PIR: variants seen among roughly 807,000 people sequenced by gnomAD.
The protein encoded by PIR is pirin, also known as pirin (iron-binding nuclear protein).
PIR carries 22 observed loss-of-function variants against 24.2 expected under a neutral mutation model. That is an observed-to-expected ratio of 0.91 (90% confidence interval 0.65 to 1.30). The LOEUF is 1.30. Ranked by LOEUF, PIR falls within the 50% of genes most tolerant of loss-of-function variation. The probability of loss-of-function intolerance (pLI) is 0.00; values close to 1 mark genes in which losing one functional copy is unlikely to be tolerated. For missense variants in PIR, 220 were observed against 220.3 expected, an observed-to-expected ratio of 1.00 and a Z score of 0.01; for synonymous variants, 80 against 79.6, an observed-to-expected ratio of 1.00 and a Z score of -0.03.
At chrX:15,415,177 A>G (rs1303893941) in intron 6 of PIR, among the ~76,000 whole-genome samples, 1 of 111,597 alleles carries the variant, frequency 9.0e-6, no homozygotes, top group Admixed American at 9.5e-5. Context: ...ACTAATTGAT[A>G]TTGAGTAAGT....
chrX:15,490,241 C>T (rs1923081100), intron 2 of PIR, among the ~76,000 whole-genome samples: 1 of 111,467 alleles, frequency 9.0e-6, no homozygotes, highest in Non-Finnish European at 1.9e-5. Flanking sequence ...AAATGTAGAT[C>T]AGCACTCATT....
chrX:15,457,579 T>A (rs1602280902), intron 4 of PIR, among the ~76,000 whole-genome samples: 2 of 111,690 alleles, frequency 1.8e-5, no homozygotes, highest in East Asian at 5.6e-4. Flanking sequence ...CAGGCTGAGA[T>A]CCAAACAAGG....
intron 3 of PIR, among the ~76,000 whole-genome samples, chrX:15,475,656 A>C (rs1922154643): frequency 8.9e-6 from 1 of 112,089 alleles, no homozygotes. Context: ...TTTCGAGCTA[A>C]ACTTTAGCGG....
In PIR at chrX:15,491,325, C is replaced by CA. The variant is rs367572122; in HGVS notation, c.-52-17dup. ...GGATGGAGGGCTAAAGGAAGGACAA[C>CA]AAAAAAAAAAGAAGTCATAAAGGAG... On this transcript the variant is annotated splice_polypyrimidine_tract_variant and intron_variant, in intron 1 of 9. Transcript: ENST00000380420. 5,310 of 531,722 alleles carry CA rather than the reference C, an allele frequency of 1.0e-2. 3 individuals carry two copies. Among genetic ancestry groups the CA allele is most frequent in the African/African-American group, 0.017 (661 of 38,891 alleles). 43.8% of individuals were successfully genotyped at this position (531,722 alleles called of 1,213,427 possible).
chrX:15,465,606 A>T, intron 3 of PIR, among the ~76,000 whole-genome samples: 1 of 112,242 alleles, frequency 8.9e-6, no homozygotes. Flanking sequence ...AAAGCACTTG[A>T]CGTGCTTCTT....
chrX:15,474,061 A>G (rs761411872), intron 3 of PIR, among the ~76,000 whole-genome samples: 14 of 112,138 alleles, frequency 1.2e-4, no homozygotes, highest in Admixed American at 1.2e-3. Flanking sequence ...CTTCGGACAA[A>G]TTAAATTTAA....
intron 7 of PIR, among the ~76,000 whole-genome samples, chrX:15,402,617 ATTCT>A (rs749094602): frequency 4.1e-4 from 45 of 111,010 alleles, no homozygotes; most frequent in African/African-American, 1.2e-3. Context: ...GATCTTATTC[ATTCT>A]TTCTATTTTT....
At chrX:15,434,170 A>G (rs1377365355) in intron 5 of PIR, among the ~76,000 whole-genome samples, 1 of 82,680 alleles carries the variant, frequency 1.2e-5, no homozygotes, top group African/African-American at 4.6e-5. Flanking sequence ...AGGAGGAGAA[A>G]GAAGAAGGAG....
intron 5 of PIR, among the ~76,000 whole-genome samples, chrX:15,433,408 A>G (rs1396980642): frequency 9.4e-6 from 1 of 106,872 alleles, no homozygotes; most frequent in African/African-American, 3.4e-5. Flanking sequence ...CAATCAAGCC[A>G]TGGAGAGGAA....
At chrX:15,392,674 G>A (rs1194318011) in intron 8 of PIR, among the ~76,000 whole-genome samples, 1 of 111,841 alleles carries the variant, frequency 8.9e-6, no homozygotes, top group Non-Finnish European at 1.9e-5. Context: ...TACAATCTCA[G>A]GGCTGGGGTC....
rs1236804660 is a variant in PIR, at chrX:15,407,212, T to A, written c.610+294A>T. 3.6e-5 allele frequency among the ~76,000 whole-genome samples: 4 copies of A among 112,134 alleles called. No homozygotes were observed. In the East Asian group the frequency reaches 1.1e-3, roughly 31 times the overall value. On this transcript the variant is annotated intron_variant, in intron 7 of 9. Coordinates refer to ENST00000380420, the MANE Select transcript of PIR (RefSeq NM_001018109.3). ...CTGTAGCTCCATCCCTTTATCAGTA[T>A]GGAGGTTGCCAACGTCTTAGCGAGG...
intron 5 of PIR, among the ~76,000 whole-genome samples, chrX:15,428,362 T>G (rs903060088): frequency 3.6e-5 from 4 of 111,993 alleles, no homozygotes; most frequent in Admixed American, 9.5e-5. Flanking sequence ...CTAAAAAGAT[T>G]AAGGGTAAAC....
intron 5 of PIR, among the ~76,000 whole-genome samples, chrX:15,448,034 G>C (rs780788786): frequency 1.2e-3 from 134 of 111,760 alleles, no homozygotes; most frequent in African/African-American, 3.7e-3. Context: ...AGGGCTTGTC[G>C]CCACGACTGA....
At chrX:15,388,027 C>G (rs1475488181) in intron 9 of PIR, among the ~76,000 whole-genome samples, 2 of 111,915 alleles carry the variant, frequency 1.8e-5, no homozygotes, top group Non-Finnish European at 3.8e-5. Flanking sequence ...CTAAAGCTAA[C>G]TGATGAAGCT....
chrX:15,450,389 T>C (rs930430524), intron 5 of PIR, among the ~76,000 whole-genome samples: 5 of 111,659 alleles, frequency 4.5e-5, no homozygotes, highest in African/African-American at 1.6e-4. Flanking sequence ...TTTTTCTTTT[T>C]TTTTAGCTAG....
At chrX:15,472,128 A>C in intron 3 of PIR, among the ~76,000 whole-genome samples, 1 of 112,329 alleles carries the variant, frequency 8.9e-6, no homozygotes, top group Non-Finnish European at 1.9e-5. Context: ...CAGGACCTTC[A>C]CTAACCATGA....
At chrX:15,421,292 T>A (rs1284157775) in intron 6 of PIR, among the ~76,000 whole-genome samples, 1 of 111,737 alleles carries the variant, frequency 8.9e-6, no homozygotes, top group African/African-American at 3.3e-5. Flanking sequence ...AAAGAAATAA[T>A]CAAGATCAGA....
chrX:15,470,901 C>A (rs931166159), intron 3 of PIR, among the ~76,000 whole-genome samples: 1 of 111,140 alleles, frequency 9.0e-6, no homozygotes, highest in African/African-American at 3.3e-5. Context: ...CCGCGCCCAG[C>A]GCACCCCGGC....
chrX:15,444,707 T>C (rs1926031045), intron 5 of PIR, among the ~76,000 whole-genome samples: 1 of 111,706 alleles, frequency 9.0e-6, no homozygotes, highest in African/African-American at 3.3e-5. Context: ...ATGTAACAGA[T>C]GGCCTCAAAT....
Sources: gnomAD v4.1 joint callset for allele counts (sites outside exome capture counted in the v4.1 genomes callset) on GRCh38, gnomAD v4.1.1 for gene constraint, MANE v1.5 for transcripts, NCBI Gene and HGNC (gene_info 2026-07-23, HGNC 2026-07-21) for gene names.